Variants in PNKD observed in about 807,000 individuals in gnomAD.
PNKD encodes PNKD metallo-beta-lactamase domain containing.
PNKD carries 36 observed loss-of-function variants against 45.3 expected under a neutral mutation model. That is an observed-to-expected ratio of 0.80 (90% CI 0.61 to 1.05). The LOEUF (loss-of-function observed/expected upper bound fraction) is 1.05, where lower values mean the gene tolerates loss of function less well. PNKD is among the 50% of genes least tolerant of loss of function. PNKD has a pLI of 0.00. For synonymous variants in PNKD, 197 were observed against 210.1 expected, an observed-to-expected ratio of 0.94 and a Z score of 0.54; for missense variants, 511 against 506.6, an observed-to-expected ratio of 1.01 and a Z score of -0.08.
intron 2 of PNKD, among the ~76,000 whole-genome samples, chr2:218,308,030 ACTTT>A (rs1693471708): frequency 6.6e-6 from 1 of 152,240 alleles, no homozygotes; most frequent in Admixed American, 6.5e-5. Flanking sequence ...AGAGAGGACT[ACTTT>A]CTTTGTTTTA....
intron 2 of PNKD, among the ~76,000 whole-genome samples, chr2:218,293,109 C>T (rs1397827066): frequency 6.6e-6 from 1 of 152,196 alleles, no homozygotes; most frequent in Non-Finnish European, 1.5e-5. Flanking sequence ...AAACTGCAAA[C>T]ATGCAAACCT....
Position 218,341,834 on chromosome 2 carries a change from A to T in PNKD, c.618-147A>T, listed in dbSNP as rs1169385388. On this transcript the variant is annotated intron_variant, in intron 6 of 9. Coordinates refer to ENST00000273077, the MANE Select transcript of PNKD (RefSeq NM_015488.5). ...AAAAGAGGAAAGGGGGAGGGTTCGG[A>T]CCTGAGACCCGAGGCACTGGGGTGA... The T allele has an allele frequency of 4.4e-5, 35 of 789,382 alleles. 1 individual carries two copies. The Admixed American group carries it at 7.1e-4, about 16-fold the overall frequency. The allele number at this position is 789,382 out of a possible 1,614,324, so 48.9% of individuals were successfully genotyped here.
intron 2 of PNKD, among the ~76,000 whole-genome samples, chr2:218,273,246 C>T (rs138649266): frequency 7.3e-4 from 110 of 150,388 alleles, no homozygotes; most frequent in African/African-American, 2.7e-3. Flanking sequence ...CGACTCTGGG[C>T]CTCAGTTTCC....
In PNKD at chr2:218,342,153, C is replaced by T; in HGVS notation, c.781+9C>T. On this transcript the variant is annotated intron_variant, in intron 7 of 9. Transcript: ENST00000273077. ...CTTCCTCTCTGGCTGTGGTGAGTTT[C>T]CCCGAAAGAGAGAGGAGCTGGGAGA... 5 of 1,611,138 alleles carry T rather than the reference C, an allele frequency of 3.1e-6. No individual in the cohort carries two copies. Among genetic ancestry groups the T allele is most frequent in the Non-Finnish European group, 4.2e-6 (5 of 1,179,424 alleles).
intron 2 of PNKD, chr2:218,276,163 G>T: frequency 6.9e-7 from 1 of 1,449,336 alleles, no homozygotes; most frequent in Non-Finnish European, 9.5e-7. Flanking sequence ...CGGGATAGTG[G>T]CATGAGAGTG....
intron 2 of PNKD, among the ~76,000 whole-genome samples, chr2:218,322,597 T>A (rs893469877): frequency 8.5e-5 from 13 of 152,208 alleles, no homozygotes; most frequent in Non-Finnish European, 1.8e-4. Context: ...CCCTCCCCCA[T>A]CTAAGTTGGC....
chr2:218,306,105 T>G (rs1205493664), intron 2 of PNKD, among the ~76,000 whole-genome samples: 2 of 152,042 alleles, frequency 1.3e-5, no homozygotes, highest in African/African-American at 4.8e-5. Context: ...AAATCTAGGA[T>G]AGTGATCAGG....
chr2:218,331,419 C>T (rs1023635998), intron 2 of PNKD, among the ~76,000 whole-genome samples: 1 of 151,076 alleles, frequency 6.6e-6, no homozygotes, highest in Admixed American at 6.6e-5. Context: ...AAAAAAAAAA[C>T]CCAAAACAAA....
intron 2 of PNKD, among the ~76,000 whole-genome samples, chr2:218,290,615 G>C (rs1692871065): frequency 6.6e-6 from 1 of 152,218 alleles, no homozygotes; most frequent in African/African-American, 2.4e-5. Flanking sequence ...AGCTACCACA[G>C]AACCAGGAAA....
intron 2 of PNKD, among the ~76,000 whole-genome samples, chr2:218,300,984 T>C (rs1240701874): frequency 6.6e-6 from 1 of 152,360 alleles, no homozygotes; most frequent in African/African-American, 2.4e-5. Flanking sequence ...GAAAAGTGTT[T>C]GTAAAATGTA....
chr2:218,291,052 C>T lies in PNKD; in HGVS notation c.236+19503C>T, dbSNP rs1483524914. Among the ~76,000 whole-genome samples, 3 of 152,320 alleles carry T rather than the reference C, an allele frequency of 2.0e-5. No homozygotes were observed. The East Asian group carries it at 5.8e-4, about 29-fold the overall frequency. ...AGGGTGAGGCCTGCGGTTGGAGGTG[C>T]TCTGAGGTAGACAGCGTCTGGCTGA... On this transcript the variant is annotated intron_variant, in intron 2 of 9. Transcript: ENST00000273077.
chr2:218,310,738 C>T (rs964425068), intron 2 of PNKD, among the ~76,000 whole-genome samples: 7 of 151,616 alleles, frequency 4.6e-5, no homozygotes, highest in South Asian at 4.2e-4. Context: ...GTTACAGGTG[C>T]GTGCCACCAC....
At chr2:218,308,944 C>T (rs906611853) in intron 2 of PNKD, among the ~76,000 whole-genome samples, 2 of 151,984 alleles carry the variant, frequency 1.3e-5, no homozygotes, top group Non-Finnish European at 2.9e-5. Context: ...TTCTCTCTTT[C>T]TCCTTCCTTC....
intron 2 of PNKD, chr2:218,274,706 C>T (rs1042970941): frequency 5.1e-5 from 8 of 155,446 alleles, no homozygotes; most frequent in African/African-American, 1.9e-4. Context: ...ATCCAGAAGC[C>T]TGCAAGGAGG....
intron 2 of PNKD, chr2:218,279,504 G>A: frequency 1.6e-6 from 1 of 612,594 alleles, no homozygotes; most frequent in South Asian, 2.3e-5. Context: ...CTGGCTCAGA[G>A]GCAATGTGCA....
chr2:218,342,091 A>G lies in PNKD; in HGVS notation c.728A>G (p.Tyr243Cys), dbSNP rs1488309349. 6.8e-6 allele frequency: 11 copies of G among 1,613,548 alleles called. No homozygotes were observed. The highest frequency in any genetic ancestry group is 4.4e-5 in the South Asian group (4 of 91,086). Reference protein sequence around the residue: ...HLVYLLDGEPYKGPSCLFSGD... With the variant: ...HLVYLLDGEPCKGPSCLFSGD... ...GTCTACCTACTGGATGGGGAGCCCTACAAGGGTCCCTCCTGCCTCTTCTCA... is the reference window on the plus strand; with the variant it reads ...GTCTACCTACTGGATGGGGAGCCCTGCAAGGGTCCCTCCTGCCTCTTCTCA... Residue 243 changes from tyrosine (Y) to cysteine (C), a missense_variant, in exon 7 of 10, where the codon TAC becomes TGC. Transcript: ENST00000273077.
At chr2:218,321,428 A>T (rs1693980733) in intron 2 of PNKD, among the ~76,000 whole-genome samples, 1 of 152,146 alleles carries the variant, frequency 6.6e-6, no homozygotes. Flanking sequence ...ACAGGCGAGG[A>T]GACAGGGAGG....
chr2:218,340,069 C>T lies in PNKD; in HGVS notation c.393C>T (p.Tyr131=). The T allele has an allele frequency of 6.2e-7, 1 of 1,613,834 alleles. No homozygotes were observed. Among genetic ancestry groups the T allele is most frequent in the Non-Finnish European group, 8.5e-7 (1 of 1,179,734 alleles). ...VLPIPVLSDN[Y]SYLIIDTQAQ... is the part of the protein sequence containing the mutation. ...CCATCCCTGTCCTCTCGGACAACTA[C>T]AGCTACCTCATCATCGACACCCAGG... is the stretch of plus-strand genomic sequence containing the variant. Residue 131 remains tyrosine (Y), a synonymous_variant, in exon 4 of 10, where the codon TAC becomes TAT. Transcript: ENST00000273077. The surrounding 1 kb of genome is among the most constrained non-coding windows in gnomAD (Gnocchi z 4.2).
At position 218,271,429 on chromosome 2, in the gene PNKD, G is replaced by C. The variant is rs367998906; in HGVS notation, c.116G>C (p.Arg39Pro). ...TANKASHNRTRALQSHSSPEG... is the reference protein window; with the variant it reads ...TANKASHNRTPALQSHSSPEG... ...AACAAGGCTTCTCATAACAGGACCC[G>C]GGCCCTGCAAAGCCACAGCTCCCCA... The change falls in exon 2 of 10, where the codon CGG becomes CCG. Residue 39 changes from arginine (R) to proline (P), a missense_variant. Transcript: ENST00000273077. 22 of 1,613,856 alleles carry C rather than the reference G, an allele frequency of 1.4e-5. No homozygotes were observed. The Admixed American group carries it at 1.7e-4, about 12-fold the overall frequency.
Sources: gnomAD v4.1 joint callset for allele counts (sites outside exome capture counted in the v4.1 genomes callset) on GRCh38, gnomAD v4.1.1 for gene constraint, Gnocchi (gnomAD v3.1) non-coding constraint, MANE v1.5 for transcripts, NCBI Gene and HGNC (gene_info 2026-07-23, HGNC 2026-07-21) for gene names.